The following CCDC141 variants were observed in gnomAD, a reference collection of about 807,000 sequenced individuals.
CCDC141 encodes coiled-coil domain-containing protein 141.
CCDC141 carries 168 observed loss-of-function variants against 181.0 expected under a neutral mutation model. The observed-to-expected ratio is 0.93, with a 90% CI of 0.82 to 1.05. The LOEUF (loss-of-function observed/expected upper bound fraction) is 1.05. CCDC141 is among the 50% of genes least tolerant of loss of function. The probability of loss-of-function intolerance (pLI) is 0.00; values close to 1 mark genes in which losing one functional copy is unlikely to be tolerated. For synonymous variants in CCDC141, 666 were observed against 642.3 expected, an observed-to-expected ratio of 1.04 and a Z score of -0.56; for missense variants, 1,902 against 1,788.5, an observed-to-expected ratio of 1.06 and a Z score of -1.14.
At position 178,988,388 on chromosome 2, in the gene CCDC141, G is replaced by T. The variant is rs867507037; in HGVS notation, c.226-9713C>A. On this transcript the variant is annotated intron_variant, in intron 2 of 23. Coordinates refer to ENST00000443758, the MANE Select transcript of CCDC141 (RefSeq NM_173648.4). Reference sequence around the variant, plus strand: ...AATGCTAGATGACGAGTTAGTGGGTGCAGCACACCAGCATGGCACATGTAT... The same window carrying T: ...AATGCTAGATGACGAGTTAGTGGGTTCAGCACACCAGCATGGCACATGTAT... Among the ~76,000 whole-genome samples, 68 of 151,282 alleles carry T rather than the reference G, an allele frequency of 4.5e-4. 3 individuals carry two copies. Among genetic ancestry groups the T allele is most frequent in the Middle Eastern group, 3.4e-3 (1 of 292 alleles).
At chr2:178,835,793 A>C (rs1283022539) in intron 23 of CCDC141, 1 of 152,576 alleles carries the variant, frequency 6.6e-6, no homozygotes, top group Admixed American at 6.5e-5. Flanking sequence ...ATAATGAATT[A>C]AATATCTTTA....
chr2:178,838,263 C>T (rs1050958892), intron 22 of CCDC141, among the ~76,000 whole-genome samples: 3 of 152,136 alleles, frequency 2.0e-5, no homozygotes, highest in African/African-American at 4.8e-5. Flanking sequence ...TAAAATGTAC[C>T]ACTTCAACCA....
intron 6 of CCDC141, chr2:178,926,735 A>C (rs1688921398): frequency 6.6e-6 from 1 of 152,250 alleles, no homozygotes; most frequent in African/African-American, 2.4e-5. Context: ...GTTCTATAAC[A>C]CTGTAGGATG....
intron 6 of CCDC141, among the ~76,000 whole-genome samples, chr2:178,933,010 T>C (rs930147777): frequency 2.0e-5 from 3 of 152,112 alleles, no homozygotes; most frequent in Non-Finnish European, 2.9e-5. Context: ...AATAATATTA[T>C]TTGAAGGAAC....
At chr2:179,028,454 C>A (rs2042915211) in intron 2 of CCDC141, among the ~76,000 whole-genome samples, 1 of 152,188 alleles carries the variant, frequency 6.6e-6, no homozygotes, top group Non-Finnish European at 1.5e-5. Flanking sequence ...TACATTTGTT[C>A]ATTAAACAAT....
intron 14 of CCDC141, among the ~76,000 whole-genome samples, chr2:178,870,763 A>G (rs1284083624): frequency 6.6e-6 from 1 of 152,214 alleles, no homozygotes; most frequent in Admixed American, 6.5e-5. Flanking sequence ...AAACACAGGT[A>G]TCTAAATTTT....
chr2:178,986,031 C>A (rs909964381), intron 2 of CCDC141, among the ~76,000 whole-genome samples: 14 of 152,276 alleles, frequency 9.2e-5, no homozygotes, highest in African/African-American at 3.4e-4. Flanking sequence ...GAATTTTAGA[C>A]CAATATCCTT....
intron 2 of CCDC141, among the ~76,000 whole-genome samples, chr2:179,025,974 T>G (rs2042832473): frequency 6.6e-6 from 1 of 152,192 alleles, no homozygotes; most frequent in Non-Finnish European, 1.5e-5. Context: ...AGAAGAAATT[T>G]CTAAGCAACA....
At position 178,900,452 on chromosome 2, in the gene CCDC141, A is replaced by T. The variant is rs190680968; in HGVS notation, c.1265+4877T>A. 5.0e-4 allele frequency among the ~76,000 whole-genome samples: 76 copies of T among 152,312 alleles called. 2 individuals carry two copies. Among genetic ancestry groups the T allele is most frequent in the African/African-American group, 1.7e-3 (70 of 41,578 alleles). On this transcript the variant is annotated intron_variant, in intron 8 of 23. Coordinates refer to ENST00000443758, the MANE Select transcript of CCDC141 (RefSeq NM_173648.4). ...ATGACATTTAAACTTAACTTCTCTG[A>T]ATCTCAGTTTCCTGTTTATGAAATG...
intron 2 of CCDC141, among the ~76,000 whole-genome samples, chr2:179,032,361 G>A (rs984507072): frequency 2.6e-5 from 4 of 152,172 alleles, no homozygotes; most frequent in Admixed American, 6.5e-5. Context: ...ATTTGGGGAT[G>A]GGGGTGGTGG....
chr2:178,923,056 T>C (rs576932937), intron 6 of CCDC141, among the ~76,000 whole-genome samples: 1 of 152,342 alleles, frequency 6.6e-6, no homozygotes, highest in Non-Finnish European at 1.5e-5. Flanking sequence ...ATGTATTTAT[T>C]TCCCCAGCCA....
intron 6 of CCDC141, among the ~76,000 whole-genome samples, chr2:178,934,515 T>G (rs1305037678): frequency 6.6e-6 from 1 of 152,114 alleles, no homozygotes; most frequent in East Asian, 1.9e-4. Context: ...AAAAAAGAAT[T>G]TTCATATTCG....
intron 4 of CCDC141, among the ~76,000 whole-genome samples, chr2:178,963,887 C>T (rs920300224): frequency 7.2e-6 from 1 of 138,702 alleles, no homozygotes; most frequent in Non-Finnish European, 1.6e-5. Flanking sequence ...ACAAAAACAA[C>T]CACAGAATTC....
rs1692317932 is a variant in CCDC141 at position 178,996,978 on chromosome 2, T to C, written c.226-18303A>G. Among the ~76,000 whole-genome samples the C allele has an allele frequency of 1.3e-5, 2 of 152,146 alleles. 1 individual carries two copies. Among genetic ancestry groups the C allele is most frequent in the South Asian group, 4.2e-4 (2 of 4,804 alleles). The stretch of plus-strand genomic sequence containing the variant: ...ACCTATCAAATACCATCTGAAATAC[T>C]GAAGGAGACAGGGACTCAAACAGAA... On this transcript the variant is annotated intron_variant, in intron 2 of 23. Transcript: ENST00000443758.
chr2:178,980,835 G>A (rs949100128), intron 2 of CCDC141, among the ~76,000 whole-genome samples: 1 of 151,970 alleles, frequency 6.6e-6, no homozygotes, highest in Non-Finnish European at 1.5e-5. Context: ...GTACAACTTA[G>A]GTGTATACAA....
At chr2:178,946,075 C>G (rs2366919) in intron 5 of CCDC141, among the ~76,000 whole-genome samples, 18 of 152,260 alleles carry the variant, frequency 1.2e-4, no homozygotes, top group Non-Finnish European at 2.2e-4. Flanking sequence ...TTTAGCCCAT[C>G]ATTAGTGCAA....
intron 10 of CCDC141, among the ~76,000 whole-genome samples, 161 bp from the exon 11 acceptor site, chr2:178,885,253 A>T (rs1037303256): frequency 1.3e-5 from 2 of 152,062 alleles, no homozygotes; most frequent in African/African-American, 4.8e-5. Context: ...CTAAAAAAAA[A>T]AAAAAGGGCA....
At chr2:178,823,137 T>C in the CCDC141 span, among the ~76,000 whole-genome samples, 2 of 151,842 alleles carry the variant, frequency 1.3e-5, no homozygotes, top group Admixed American at 6.6e-5. Context: ...GGATGTTTAA[T>C]TGGTGTACGT....
At chr2:179,003,077 G>T (rs983794439) in intron 2 of CCDC141, among the ~76,000 whole-genome samples, 1 of 152,034 alleles carries the variant, frequency 6.6e-6, no homozygotes, top group Non-Finnish European at 1.5e-5. Flanking sequence ...GTTTTTGGGT[G>T]GAATTAACCT....
Sources: allele counts gnomAD v4.1 joint callset (sites outside exome capture counted in the v4.1 genomes callset), GRCh38; gene constraint gnomAD v4.1.1; transcripts MANE v1.5; gene names NCBI Gene and HGNC (gene_info 2026-07-23, HGNC 2026-07-21).